The following TTC32 variants were observed in gnomAD, a reference collection of about 807,000 sequenced individuals.
The protein encoded by TTC32 is tetratricopeptide repeat domain 32.
In TTC32, 16 loss-of-function variants were observed where a neutral mutation model predicts 15.3. The ratio of observed to expected loss-of-function variants is 1.05; its 90% CI spans 0.71 to 1.59. The LOEUF is 1.59. TTC32 is among the 40% of genes most tolerant of loss of function. The probability of loss-of-function intolerance (pLI) is 0.00; values close to 1 mark genes in which losing one functional copy is unlikely to be tolerated. For synonymous variants in TTC32, 89 were observed against 67.8 expected (o/e 1.31, Z -1.53); for missense variants, 188 against 181.9 (o/e 1.03, Z -0.19).
Position 19,898,003 on chromosome 2 carries a change from T to A in TTC32, c.182A>T (p.Tyr61Phe). The A allele has an allele frequency of 3.1e-6, 5 of 1,598,642 alleles. No homozygotes were observed. Among genetic ancestry groups the A allele is most frequent in the Non-Finnish European group, 4.3e-6 (5 of 1,169,466 alleles). The change falls in exon 2 of 3, where the codon TAT (tyrosine) becomes TTT (phenylalanine). Residue 61 changes from tyrosine to phenylalanine, a missense_variant. By Grantham distance (22) the Tyr-to-Phe change is conservative. Coordinates refer to ENST00000333610, the MANE Select transcript of TTC32 (RefSeq NM_001008237.3). ...GTACTTGATTTGCCCCCTGTTGTTA[T>A]ATGCAGTAGCCAAATCCTCAGGGCT... is the stretch of plus-strand genomic sequence containing the variant. ...KCSPEDLATAYNNRGQIKYFR... is the reference protein window; with the variant it reads ...KCSPEDLATAFNNRGQIKYFR...
rs772405231 is a variant in TTC32, at chr2:19,897,080, T to C, written c.363A>G (p.Leu121=). Residue 121 remains leucine (L), a synonymous_variant, in exon 3 of 3, where the codon TTA becomes TTG. Coordinates refer to ENST00000333610, the MANE Select transcript of TTC32 (RefSeq NM_001008237.3). ...AAGTAGCATCTTGAAATCCAGGATT[T>C]AAGTCTAAGACCTTCTTGAAATCTT... ...ALEDFKKVLD[L]NPGFQDATLS... 6.2e-7 allele frequency: 1 copy of C among 1,609,412 alleles called. No homozygotes were observed. Among genetic ancestry groups the C allele is most frequent in the Non-Finnish European group, 8.5e-7 (1 of 1,178,194 alleles).
In TTC32 at chr2:19,898,046, A is replaced by C; in HGVS notation, c.150-11T>G. 1 of 1,483,180 alleles carries C rather than the reference A, an allele frequency of 6.7e-7. No homozygotes were observed. The highest frequency in any genetic ancestry group is 9.1e-7 in the Non-Finnish European group (1 of 1,103,308). 91.9% of individuals were successfully genotyped at this position (1,483,180 alleles called of 1,614,324 possible). On this transcript the variant is annotated splice_polypyrimidine_tract_variant and intron_variant, in intron 1 of 2. Transcript: ENST00000333610. ...TCAGGGCTGCATTTGCTTTAAACAA[A>C]AAGTTCACATTAAAAACACCGTGTT...
Position 19,901,946 on chromosome 2 carries a change from C to A in TTC32, c.-92G>T. On this transcript the variant is annotated 5_prime_UTR_variant, in exon 1 of 3. Coordinates refer to ENST00000333610, the MANE Select transcript of TTC32 (RefSeq NM_001008237.3). Reference sequence around the variant, plus strand: ...CAAAGCCACTTCCACACCCTGGAATCTACCTTGACAGCCAACCTTGGCGCT... The same window carrying A: ...CAAAGCCACTTCCACACCCTGGAATATACCTTGACAGCCAACCTTGGCGCT... 1 of 1,490,722 alleles carries A rather than the reference C, an allele frequency of 6.7e-7. No homozygotes were observed. Among genetic ancestry groups the A allele is most frequent in the East Asian group, 2.3e-5 (1 of 43,316 alleles). The allele number at this position is 1,490,722 out of a possible 1,614,324, so 92.3% of individuals were successfully genotyped here. A position where few individuals can be genotyped will look rare whatever the true frequency, so the allele number is the denominator to read the frequency against.
chr2:19,901,161 G>C lies in TTC32; in HGVS notation c.149+545C>G, dbSNP rs920471845. 89 of 454,520 alleles carry C rather than the reference G, an allele frequency of 2.0e-4. 1 individual carries two copies. The highest frequency in any genetic ancestry group is 1.7e-3 in the African/African-American group (86 of 49,152). 28.2% of individuals were successfully genotyped at this position (454,520 alleles called of 1,614,324 possible). On this transcript the variant is annotated intron_variant, in intron 1 of 2. Coordinates refer to ENST00000333610, the MANE Select transcript of TTC32 (RefSeq NM_001008237.3). ...GGTAAACTGATAATGCTTAAGCCAA[G>C]TGATAAACACCTAGACGTTCGTTAT...
Position 19,901,920 on chromosome 2 carries a change from A to G in TTC32, c.-66T>C. ...CCTCCGAGCGGTTAGAGGTGGCACCACAAAGCCACTTCCACACCCTGGAAT... is the reference window on the plus strand; with the variant it reads ...CCTCCGAGCGGTTAGAGGTGGCACCGCAAAGCCACTTCCACACCCTGGAAT... On this transcript the variant is annotated 5_prime_UTR_variant, in exon 1 of 3. Coordinates refer to ENST00000333610, the MANE Select transcript of TTC32 (RefSeq NM_001008237.3). 1.3e-6 allele frequency: 2 copies of G among 1,589,414 alleles called. No individual in the cohort carries two copies. The highest frequency in any genetic ancestry group is 2.7e-5 in the African/African-American group (2 of 74,592).
At chr2:19,900,831 T>G (rs1047562746) in intron 1 of TTC32, among the ~76,000 whole-genome samples, 2 of 152,200 alleles carry the variant, frequency 1.3e-5, no homozygotes, top group African/African-American at 4.8e-5. Context: ...AACCACCAAT[T>G]CACAGCAATA....
intron 1 of TTC32, among the ~76,000 whole-genome samples, chr2:19,899,463 C>T (rs558517102): frequency 6.4e-4 from 98 of 151,986 alleles, no homozygotes; most frequent in African/African-American, 2.1e-3. Context: ...AAATGTTAGA[C>T]TTAGAATTAG....
At position 19,901,737 on chromosome 2, in the gene TTC32, A is replaced by G; in HGVS notation, c.118T>C (p.Cys40Arg). ...GGACTCTCGTCGCTGGAGGCCGCGC[A>G]AGCGCACCGGCGAATGTAAGCGGAG... Reference protein sequence around the residue: ...LYSAYIRRCACAASSDESPGS... With the variant: ...LYSAYIRRCARAASSDESPGS... The change falls in exon 1 of 3, where the codon TGC becomes CGC. Residue 40 changes from cysteine (C) to arginine (R), a missense_variant. Cys to Arg is a radical substitution (Grantham distance 180, BLOSUM62 -3). Coordinates refer to ENST00000333610, the MANE Select transcript of TTC32 (RefSeq NM_001008237.3). The G allele has an allele frequency of 1.9e-6, 3 of 1,613,426 alleles. No individual in the cohort carries two copies. Among genetic ancestry groups the G allele is most frequent in the Non-Finnish European group, 2.5e-6 (3 of 1,179,526 alleles).
Position 19,896,826 on chromosome 2 carries a change from C to A in TTC32, c.*161G>T. On this transcript the variant is annotated 3_prime_UTR_variant, in exon 3 of 3. Transcript: ENST00000333610. ...TTATTTACACTTCATTAAAAAAAAC[C>A]CATTCAACCTGAAATTAACTACCTT... The A allele has an allele frequency of 2.3e-6, 1 of 427,410 alleles. No individual in the cohort carries two copies. The highest frequency in any genetic ancestry group is 3.8e-6 in the Non-Finnish European group (1 of 260,070). 26.5% of individuals were successfully genotyped at this position (427,410 alleles called of 1,614,324 possible).
In TTC32 at chr2:19,897,897, G is replaced by A. The variant is rs1558311590; in HGVS notation, c.288C>T (p.Tyr96=). Residue 96 remains tyrosine, a synonymous_variant, in exon 2 of 3, where the codon TAC becomes TAT. Transcript: ENST00000333610. The stretch of plus-strand genomic sequence containing the variant: ...GCCTATACAGTATCAACCCTCTGTT[G>A]TAATATGGAACTTCAAAATTGGGTT... ...EVQPNFEVPY[Y]NRGLILYRLG... is the part of the protein sequence containing the mutation. 1 of 1,611,230 alleles carries A rather than the reference G, an allele frequency of 6.2e-7. No homozygotes were observed. Among genetic ancestry groups the A allele is most frequent in the Non-Finnish European group, 8.5e-7 (1 of 1,178,046 alleles).
Position 19,901,710 on chromosome 2 carries a change from C to T in TTC32, c.145G>A (p.Gly49Arg). The change falls in exon 1 of 3, where the codon GGG (glycine) becomes AGG (arginine). Residue 49 changes from glycine to arginine, a missense_variant. Physicochemically the swap from Gly to Arg is moderately radical, Grantham distance 125 (BLOSUM62 -2). Transcript: ENST00000333610. The part of the protein sequence containing the change: ...ACAASSDESP[G>R]SKCSPEDLAT... Reference sequence around the variant, plus strand: ...CCCAGGTCTCGCGATAGTTACCTCCCGGGACTCTCGTCGCTGGAGGCCGCG... The same window carrying T: ...CCCAGGTCTCGCGATAGTTACCTCCTGGGACTCTCGTCGCTGGAGGCCGCG... 1 of 1,611,658 alleles carries T rather than the reference C, an allele frequency of 6.2e-7. No individual in the cohort carries two copies. The highest frequency in any genetic ancestry group is 8.5e-7 in the Non-Finnish European group (1 of 1,178,222).
chr2:19,901,516 C>T (rs1044114956), intron 1 of TTC32, 190 bp downstream of exon 1: 1 of 695,408 alleles, frequency 1.4e-6, no homozygotes, highest in Non-Finnish European at 2.2e-6. Flanking sequence ...CTTCTCCCCG[C>T]GTTCTCCGCC....
intron 1 of TTC32, chr2:19,901,498 C>G: frequency 1.6e-6 from 1 of 616,502 alleles, no homozygotes; most frequent in South Asian, 2.3e-5. Context: ...TGGCTCCTCA[C>G]GGGTGGGCTT....
intron 1 of TTC32, chr2:19,898,560 GAAGTT>G (rs1270722432): frequency 1.3e-5 from 2 of 152,242 alleles, no homozygotes; most frequent in African/African-American, 4.8e-5. Context: ...CGATCCCCAG[GAAGTT>G]ATCTCTGGGG....
chr2:19,901,447 G>C (rs1669601316), intron 1 of TTC32: 1 of 365,416 alleles, frequency 2.7e-6, no homozygotes, highest in East Asian at 5.0e-5. Context: ...ATCGCGCAGA[G>C]GGCTTGGTTC....
chr2:19,901,923 A>G lies in TTC32; in HGVS notation c.-69T>C, dbSNP rs1669615201. ...CCGAGCGGTTAGAGGTGGCACCACAAAGCCACTTCCACACCCTGGAATCTA... is the reference window on the plus strand; with the variant it reads ...CCGAGCGGTTAGAGGTGGCACCACAGAGCCACTTCCACACCCTGGAATCTA... On this transcript the variant is annotated 5_prime_UTR_variant, in exon 1 of 3. Coordinates refer to ENST00000333610, the MANE Select transcript of TTC32 (RefSeq NM_001008237.3). 1 of 1,585,030 alleles carries G rather than the reference A, an allele frequency of 6.3e-7. No homozygotes were observed. Among genetic ancestry groups the G allele is most frequent in the Non-Finnish European group, 8.6e-7 (1 of 1,160,336 alleles).
chr2:19,897,001 C>T lies in TTC32; in HGVS notation c.442G>A (p.Ala148Thr). The T allele has an allele frequency of 6.3e-7, 1 of 1,580,172 alleles. No individual in the cohort carries two copies. The highest frequency in any genetic ancestry group is 8.6e-7 in the Non-Finnish European group (1 of 1,164,858). ...DKEEKQRRNV[A>T]KNY ...AGTTAAAAATATCAATAATTTTTTGCAACATTTCTTCTTTGTTTTTCTTCT... is the reference window on the plus strand; with the variant it reads ...AGTTAAAAATATCAATAATTTTTTGTAACATTTCTTCTTTGTTTTTCTTCT... Residue 148 changes from alanine (A) to threonine (T), a missense_variant, in exon 3 of 3, where the codon GCA becomes ACA. Physicochemically the swap from Ala to Thr is moderately conservative, Grantham distance 58. Coordinates refer to ENST00000333610, the MANE Select transcript of TTC32 (RefSeq NM_001008237.3).
intron 1 of TTC32, 185 bp from the exon 2 acceptor site, chr2:19,898,220 T>C (rs1442756158): frequency 1.3e-5 from 7 of 518,810 alleles, no homozygotes; most frequent in African/African-American, 3.8e-5. Context: ...AACCCTGTTA[T>C]CTACTTTTGT....
chr2:19,896,930 G>A lies in TTC32; in HGVS notation c.*57C>T. 1.4e-6 allele frequency: 2 copies of A among 1,415,624 alleles called. No individual in the cohort carries two copies. The highest frequency in any genetic ancestry group is 1.9e-6 in the Non-Finnish European group (2 of 1,049,288). 87.7% of individuals were successfully genotyped at this position (1,415,624 alleles called of 1,614,324 possible). A position where few individuals can be genotyped will look rare whatever the true frequency, so the allele number is the denominator to read the frequency against. The stretch of plus-strand genomic sequence containing the variant: ...AAAATAGCTCAATATCTAAATTACT[G>A]ATAACTAGATGCAGATGTAAGGATC... On this transcript the variant is annotated 3_prime_UTR_variant, in exon 3 of 3. Coordinates refer to ENST00000333610, the MANE Select transcript of TTC32 (RefSeq NM_001008237.3).
Sources: gnomAD v4.1 joint callset for allele counts (sites outside exome capture counted in the v4.1 genomes callset) on GRCh38, gnomAD v4.1.1 for gene constraint, MANE v1.5 for transcripts, NCBI Gene and HGNC (gene_info 2026-07-23, HGNC 2026-07-21) for gene names.